Variants in PDE1A observed in about 807,000 individuals in gnomAD.
PDE1A encodes phosphodiesterase 1A.
A neutral mutation model predicts 61.7 loss-of-function variants in PDE1A; 35 were observed. That is an observed-to-expected ratio of 0.57 (90% CI 0.43 to 0.75). The LOEUF (loss-of-function observed/expected upper bound fraction) is 0.75, where lower values mean the gene tolerates loss of function less well. Among genes scored for constraint, PDE1A ranks in the 30% least tolerant of loss-of-function variants. The pLI, the probability that PDE1A is intolerant of heterozygous loss-of-function variation, is 0.00. For synonymous variants in PDE1A, 232 were observed against 213.2 expected (o/e 1.09, Z -0.77); for missense variants, 597 against 630.6 (o/e 0.95, Z 0.57).
chr2:182,672,021 T>C, the PDE1A span, among the ~76,000 whole-genome samples: 1 of 152,194 alleles, frequency 6.6e-6, no homozygotes, highest in Admixed American at 6.5e-5. Flanking sequence ...ACCTCTCCTC[T>C]AAATTGCTAG....
chr2:182,176,622 C>T (rs1272689620), intron 13 of PDE1A, among the ~76,000 whole-genome samples: 15 of 147,678 alleles, frequency 1.0e-4, no homozygotes, highest in Non-Finnish European at 3.0e-5. Context: ...ACAATCATGT[C>T]GTCTGCAAAC....
At chr2:182,400,798 G>A (rs1009970780) in intron 1 of PDE1A, among the ~76,000 whole-genome samples, 1 of 152,156 alleles carries the variant, frequency 6.6e-6, no homozygotes, top group African/African-American at 2.4e-5. Context: ...GGTGAATAAT[G>A]GCAGGTACTA....
intron 1 of PDE1A, among the ~76,000 whole-genome samples, chr2:182,320,579 G>C (rs1205742600): frequency 6.6e-6 from 1 of 152,148 alleles, no homozygotes; most frequent in Non-Finnish European, 1.5e-5. Context: ...AGGTTTGTAA[G>C]TATATATTAG....
intron 2 of PDE1A, among the ~76,000 whole-genome samples, chr2:182,447,342 A>AT (rs1685211088): frequency 6.6e-6 from 1 of 151,906 alleles, no homozygotes; most frequent in Non-Finnish European, 1.5e-5. Flanking sequence ...CTACTGAGAG[A>AT]TTTTCCAGAC....
chr2:182,260,477 T>G (rs918821153), intron 2 of PDE1A, among the ~76,000 whole-genome samples: 1 of 152,186 alleles, frequency 6.6e-6, no homozygotes, highest in Non-Finnish European at 1.5e-5. Flanking sequence ...ACTAAGTATA[T>G]AGAAAATCAA....
At chr2:182,345,121 T>C (rs567112513) in intron 1 of PDE1A, among the ~76,000 whole-genome samples, 9 of 152,344 alleles carry the variant, frequency 5.9e-5, no homozygotes, top group African/African-American at 2.2e-4. Context: ...TTAGGCTTTA[T>C]TTATAAATGG....
At chr2:182,375,223 C>A (rs189011706) in intron 1 of PDE1A, among the ~76,000 whole-genome samples, 1 of 152,244 alleles carries the variant, frequency 6.6e-6, no homozygotes, top group Admixed American at 6.5e-5. Context: ...CAGCAGTACC[C>A]CAAAGTCCTA....
intron 1 of PDE1A, among the ~76,000 whole-genome samples, chr2:182,400,354 C>A (rs2125443448): frequency 6.6e-6 from 1 of 152,304 alleles, no homozygotes; most frequent in Middle Eastern, 3.4e-3. Flanking sequence ...TTAGAATACA[C>A]TTCTGTAAAA....
the PDE1A span, among the ~76,000 whole-genome samples, chr2:182,653,272 C>A: frequency 2.6e-5 from 4 of 152,068 alleles, no homozygotes; most frequent in Admixed American, 2.6e-4. Flanking sequence ...GGAGGGGAAC[C>A]AATTCTGTTT....
intron 1 of PDE1A, among the ~76,000 whole-genome samples, chr2:182,264,846 T>A (rs2125790612): frequency 7.6e-6 from 1 of 132,098 alleles, no homozygotes; most frequent in Non-Finnish European, 1.6e-5. Context: ...CATTGACCAA[T>A]GAGTGGATAA....
the PDE1A span, among the ~76,000 whole-genome samples, chr2:182,588,753 A>G: frequency 3.3e-5 from 5 of 152,202 alleles, no homozygotes; most frequent in Non-Finnish European, 7.3e-5. Flanking sequence ...ATTTTAAATA[A>G]TAATTTTTAG....
intron 13 of PDE1A, chr2:182,168,293 G>T (rs1343803582): frequency 1.5e-6 from 2 of 1,314,310 alleles, no homozygotes; most frequent in Non-Finnish European, 2.1e-6. Flanking sequence ...TCTTGCTTCT[G>T]AAAAAAAAAA....
chr2:182,479,937 A>G (rs1217619131), intron 2 of PDE1A, among the ~76,000 whole-genome samples: 3 of 151,912 alleles, frequency 2.0e-5, no homozygotes, highest in Admixed American at 2.0e-4. Flanking sequence ...GTTGAAAATT[A>G]TTCTATCATA....
At chr2:182,258,609 T>C (rs1296317303) in intron 2 of PDE1A, among the ~76,000 whole-genome samples, 2 of 152,340 alleles carry the variant, frequency 1.3e-5, no homozygotes, top group African/African-American at 4.8e-5. Flanking sequence ...CATGCACATA[T>C]ATCTAGCATA....
intron 6 of PDE1A, 35 bp from the exon 7 acceptor site, chr2:182,223,999 GA>G: frequency 7.2e-7 from 1 of 1,391,324 alleles, no homozygotes; most frequent in Non-Finnish European, 1.0e-6. Flanking sequence ...TTATATTCAA[GA>G]AGTAGATAAC....
At chr2:182,565,421 CT>C in the PDE1A span, among the ~76,000 whole-genome samples, 1 of 152,102 alleles carries the variant, frequency 6.6e-6, no homozygotes, top group African/African-American at 2.4e-5. Flanking sequence ...GAAGTTTTGT[CT>C]CAGAGGAGTA....
chr2:182,340,462 T>C (rs141677123), intron 1 of PDE1A, among the ~76,000 whole-genome samples: 2,429 of 152,284 alleles, frequency 0.016, 22 homozygotes, highest in Non-Finnish European at 0.024. Flanking sequence ...AAGGGCACCT[T>C]GTCTCATAAA....
At chr2:182,434,552 C>G (rs903756145) in intron 2 of PDE1A, among the ~76,000 whole-genome samples, 4 of 151,176 alleles carry the variant, frequency 2.6e-5, no homozygotes, top group Non-Finnish European at 5.9e-5. Flanking sequence ...CTTTTTTTTT[C>G]CTGAAAGGGC....
the PDE1A span, among the ~76,000 whole-genome samples, chr2:182,561,691 T>G: frequency 6.6e-6 from 1 of 152,270 alleles, no homozygotes; most frequent in South Asian, 2.1e-4. Context: ...CCCATGAGCA[T>G]GGAATGTTCT....
Sources: allele counts gnomAD v4.1 joint callset (sites outside exome capture counted in the v4.1 genomes callset), GRCh38; gene constraint gnomAD v4.1.1; transcripts MANE v1.5; gene names NCBI Gene and HGNC (gene_info 2026-07-23, HGNC 2026-07-21).